RASSF3: variants seen among roughly 807,000 people sequenced by gnomAD.
RASSF3 encodes Ras association domain family member 3.
In RASSF3, 19 loss-of-function variants were observed where a neutral mutation model predicts 19.9. That is an observed-to-expected ratio of 0.96 (90% CI 0.67 to 1.40). The LOEUF (loss-of-function observed/expected upper bound fraction) is 1.40. Among genes scored for constraint, RASSF3 ranks in the 40% most tolerant of loss-of-function variants. RASSF3 has a pLI of 0.00. For synonymous variants in RASSF3, 110 were observed against 104.2 expected, an observed-to-expected ratio of 1.06 and a Z score of -0.34; for missense variants, 306 against 289.8, an observed-to-expected ratio of 1.06 and a Z score of -0.41.
chr12:64,574,062 G>T (rs1199788615), intron 2 of RASSF3, among the ~76,000 whole-genome samples: 1 of 152,046 alleles, frequency 6.6e-6, no homozygotes. Context: ...TAGCAGTTTG[G>T]GAGGCCGAGG....
upstream of RASSF3, among the ~76,000 whole-genome samples, chr12:64,530,180 T>C (rs1868677047): frequency 2.0e-5 from 3 of 152,224 alleles, 1 homozygote; most frequent in South Asian, 6.2e-4. Flanking sequence ...TTTTGGGGCA[T>C]TATATAAATG....
intron 1 of RASSF3, among the ~76,000 whole-genome samples, chr12:64,517,621 CTTTT>C (rs58706283): frequency 1.4e-5 from 2 of 144,006 alleles, no homozygotes. Flanking sequence ...TACACACACA[CTTTT>C]TTTTTTTTTT....
At chr12:64,536,104 T>C (rs1868821324) in intron 1 of RASSF3, among the ~76,000 whole-genome samples, 1 of 149,568 alleles carries the variant, frequency 6.7e-6, no homozygotes, top group East Asian at 2.0e-4. Flanking sequence ...GTTCACGCCA[T>C]TCCCCTGCCT....
intron 1 of RASSF3, among the ~76,000 whole-genome samples, chr12:64,671,713 G>A: frequency 6.6e-6 from 1 of 152,250 alleles, no homozygotes; most frequent in Non-Finnish European, 1.5e-5. Context: ...ACTTCTGAAG[G>A]AAATTGCTGC....
intron 1 of RASSF3, 87 bp downstream of exon 1, chr12:64,610,830 T>G: frequency 1.4e-6 from 1 of 712,590 alleles, no homozygotes; most frequent in Non-Finnish European, 2.2e-6. Context: ...CACGTGTCTC[T>G]GCGGGGCGCT....
chr12:64,528,479 C>T (rs1026696758), upstream of RASSF3, among the ~76,000 whole-genome samples: 3 of 152,132 alleles, frequency 2.0e-5, no homozygotes, highest in African/African-American at 4.8e-5. Flanking sequence ...TACAGGAATT[C>T]AGATTTCTTT....
At chr12:64,646,776 G>A (rs1167710844) in intron 1 of RASSF3, among the ~76,000 whole-genome samples, 1 of 150,556 alleles carries the variant, frequency 6.6e-6, no homozygotes, top group Non-Finnish European at 1.5e-5. Context: ...GAAATAGAGT[G>A]AAAGACCCAG....
At chr12:64,673,711 G>A (rs779785422) in intron 1 of RASSF3, among the ~76,000 whole-genome samples, 5 of 152,080 alleles carry the variant, frequency 3.3e-5, no homozygotes, top group Non-Finnish European at 7.4e-5. Context: ...TTCTTACATA[G>A]CTCACCTAGA....
chr12:64,620,453 T>A (rs189806852), intron 1 of RASSF3, among the ~76,000 whole-genome samples: 2 of 152,218 alleles, frequency 1.3e-5, no homozygotes, highest in Non-Finnish European at 2.9e-5. Flanking sequence ...TTTTGCGATA[T>A]ATACCCATAA....
At chr12:64,614,732 G>A (rs1405969425) in intron 1 of RASSF3, among the ~76,000 whole-genome samples, 2 of 124,124 alleles carry the variant, frequency 1.6e-5, no homozygotes, top group Non-Finnish European at 3.3e-5. Flanking sequence ...GATTCTTACT[G>A]TGTCACCCAG....
At chr12:64,556,542 C>T (rs1417549742) in intron 2 of RASSF3, among the ~76,000 whole-genome samples, 2 of 152,118 alleles carry the variant, frequency 1.3e-5, no homozygotes, top group Non-Finnish European at 2.9e-5. Flanking sequence ...ACATGAGTAC[C>T]TTCTCCTTGC....
Position 64,651,620 on chromosome 12 carries a change from A to T in RASSF3, c.112-33167A>T, listed in dbSNP as rs867238049. On this transcript the variant is annotated intron_variant, in intron 1 of 4. Transcript: ENST00000542104. Reference sequence around the variant, plus strand: ...AGTGATTCACCCTCCTCGGCCTCCCAGAGTGCTGGGATTACAGGCATAAGC... The same window carrying T: ...AGTGATTCACCCTCCTCGGCCTCCCTGAGTGCTGGGATTACAGGCATAAGC... Among the ~76,000 whole-genome samples, 81 of 152,208 alleles carry T rather than the reference A, an allele frequency of 5.3e-4. 2 individuals carry two copies. The highest frequency in any genetic ancestry group is 3.4e-3 in the Middle Eastern group (1 of 294).
At chr12:64,529,009 A>G (rs538707097), upstream of RASSF3, among the ~76,000 whole-genome samples, 1 of 152,346 alleles carries the variant, frequency 6.6e-6, no homozygotes, top group Admixed American at 6.5e-5. Flanking sequence ...AAAATTAAGT[A>G]CTAACTAGAG....
intron 1 of RASSF3, among the ~76,000 whole-genome samples, chr12:64,612,770 C>G (rs1870416077): frequency 6.6e-6 from 1 of 152,122 alleles, no homozygotes; most frequent in African/African-American, 2.4e-5. Flanking sequence ...GCCACCGCCC[C>G]CGGCACATTT....
At chr12:64,534,879 C>A (rs1868789590) in intron 1 of RASSF3, among the ~76,000 whole-genome samples, 1 of 152,104 alleles carries the variant, frequency 6.6e-6, no homozygotes, top group Non-Finnish European at 1.5e-5. Context: ...TATCTAGAGG[C>A]TCTTACAACA....
intron 2 of RASSF3, among the ~76,000 whole-genome samples, chr12:64,576,226 G>A (rs1455732876): frequency 6.6e-6 from 1 of 152,050 alleles, no homozygotes; most frequent in Admixed American, 6.6e-5. Context: ...CAGAACTGAG[G>A]GCCTAGAAAC....
intron 1 of RASSF3, among the ~76,000 whole-genome samples, chr12:64,636,090 G>T (rs1592435027): frequency 6.6e-6 from 1 of 151,612 alleles, no homozygotes; most frequent in East Asian, 1.9e-4. Context: ...AAAGAAGTTG[G>T]GGGTTTCTGT....
intron 2 of RASSF3, among the ~76,000 whole-genome samples, chr12:64,568,904 G>T (rs1206485594): frequency 2.0e-5 from 3 of 152,132 alleles, no homozygotes; most frequent in Non-Finnish European, 2.9e-5. Context: ...TAGAGACAGG[G>T]TTTCACCATG....
At chr12:64,675,883 G>A (rs1278940602) in intron 1 of RASSF3, among the ~76,000 whole-genome samples, 7 of 151,624 alleles carry the variant, frequency 4.6e-5, no homozygotes, top group Admixed American at 1.3e-4. Flanking sequence ...TCACATAAAC[G>A]GAAATAGAGC....
Sources: allele counts gnomAD v4.1 joint callset (sites outside exome capture counted in the v4.1 genomes callset), GRCh38; gene constraint gnomAD v4.1.1; transcripts MANE v1.5; gene names NCBI Gene and HGNC (gene_info 2026-07-23, HGNC 2026-07-21).